The following MTCL2 variants were observed in gnomAD, a reference collection of about 807,000 sequenced individuals.
MTCL2 encodes microtubule crosslinking factor 2, also known as microtubule cross-linking factor 2.
the MTCL2 span, among the ~76,000 whole-genome samples, chr20:36,841,935 T>C: frequency 5.4e-5 from 8 of 147,866 alleles, no homozygotes; most frequent in African/African-American, 2.0e-4. Flanking sequence ...GGTTTTGCCA[T>C]GTTGCCCAGG....
chr20:36,797,016 A>G, the MTCL2 span: 1 of 1,449,618 alleles, frequency 6.9e-7, no homozygotes, highest in African/African-American at 1.4e-5. Context: ...GCATGGAACA[A>G]GAGACCAGCC....
the MTCL2 span, chr20:36,862,989 C>G: frequency 1.4e-6 from 2 of 1,409,712 alleles, no homozygotes; most frequent in Non-Finnish European, 1.9e-6. Flanking sequence ...CTCCGAGCTG[C>G]TATCCGTGAG....
At chr20:36,794,486 A>T in the MTCL2 span, 1 of 1,613,942 alleles carries the variant, frequency 6.2e-7, no homozygotes, top group African/African-American at 1.3e-5. The surrounding 1 kb of genome is among the most constrained non-coding windows in gnomAD (Gnocchi z 5.4). Context: ...GGAGCTCACA[A>T]AGCCAAAGGC....
At chr20:36,803,032 C>T in the MTCL2 span, 1 of 1,603,888 alleles carries the variant, frequency 6.2e-7, no homozygotes, top group Non-Finnish European at 8.5e-7. Flanking sequence ...TGCTGCTCCT[C>T]ACGCTCCCGC....
At chr20:36,835,346 CCCCCA>C in the MTCL2 span, among the ~76,000 whole-genome samples, 2 of 152,066 alleles carry the variant, frequency 1.3e-5, no homozygotes, top group Admixed American at 6.5e-5. Flanking sequence ...TATTCATGAC[CCCCCA>C]CCCCACCCCA....
At chr20:36,842,608 C>T in the MTCL2 span, among the ~76,000 whole-genome samples, 3 of 152,250 alleles carry the variant, frequency 2.0e-5, no homozygotes, top group South Asian at 6.2e-4. Context: ...CCCGTCTCTA[C>T]TAAAAATACA....
chr20:36,808,502 C>A, the MTCL2 span: 5 of 1,575,648 alleles, frequency 3.2e-6, no homozygotes, highest in Non-Finnish European at 2.6e-6. Flanking sequence ...CAGTCCCTGG[C>A]CCAATCTTAC....
At chr20:36,784,768 A>T in the MTCL2 span, 1 of 985,604 alleles carries the variant, frequency 1.0e-6, no homozygotes. Flanking sequence ...CAGGGAGAAG[A>T]GCCGTGAAAG....
the MTCL2 span, chr20:36,793,162 A>G: frequency 5.2e-5 from 74 of 1,429,700 alleles, 1 homozygote; most frequent in Non-Finnish European, 6.5e-5. This position sits in a 1 kb window ranked among gnomAD's most constrained non-coding sequence, Gnocchi z 6.8. Flanking sequence ...ACCTCGGCCC[A>G]TATCTCTGAA....
chr20:36,801,597 G>A, the MTCL2 span, among the ~76,000 whole-genome samples: 1 of 151,498 alleles, frequency 6.6e-6, no homozygotes, highest in Non-Finnish European at 1.5e-5. Context: ...ACAAGAAAGG[G>A]AGGGAGTAGG....
chr20:36,856,447 G>T, the MTCL2 span, among the ~76,000 whole-genome samples: 20 of 152,266 alleles, frequency 1.3e-4, no homozygotes, highest in African/African-American at 4.8e-4. Context: ...GGGAGAAGGG[G>T]GAGATAGGGC....
the MTCL2 span, among the ~76,000 whole-genome samples, chr20:36,810,717 C>CCTCTCCCTCTCTCTCTCT: frequency 1.1e-4 from 10 of 94,270 alleles, no homozygotes; most frequent in East Asian, 3.1e-3. Flanking sequence ...TCTCTCTCTC[C>CCTCTCCCTCTCTCTCTCT]CTCTCTCTCT....
the MTCL2 span, among the ~76,000 whole-genome samples, chr20:36,832,225 C>A: frequency 6.6e-6 from 1 of 152,186 alleles, no homozygotes; most frequent in Non-Finnish European, 1.5e-5. Context: ...CAAATGCCAA[C>A]CCCACCCACT....
At chr20:36,828,253 G>A in the MTCL2 span, among the ~76,000 whole-genome samples, 28 of 152,188 alleles carry the variant, frequency 1.8e-4, no homozygotes, top group Admixed American at 1.6e-3. Context: ...AGCCTTTAAG[G>A]GACACCTAGG....
At chr20:36,822,368 T>C in the MTCL2 span, among the ~76,000 whole-genome samples, 4 of 152,280 alleles carry the variant, frequency 2.6e-5, no homozygotes, top group Admixed American at 2.6e-4. Flanking sequence ...CCTGGGGACA[T>C]GCCCAGCCCT....
At chr20:36,862,609 T>C in the MTCL2 span, 7 of 1,446,290 alleles carry the variant, frequency 4.8e-6, no homozygotes, top group African/African-American at 1.0e-4. Flanking sequence ...CGCGGGACTG[T>C]GACAGCCGGC....
chr20:36,838,721 A>T, the MTCL2 span, among the ~76,000 whole-genome samples: 1 of 152,128 alleles, frequency 6.6e-6, no homozygotes, highest in East Asian at 1.9e-4. Flanking sequence ...TAACCCCAGC[A>T]CTTTGGGAGG....
At chr20:36,810,071 C>G in the MTCL2 span, 4 of 1,598,828 alleles carry the variant, frequency 2.5e-6, no homozygotes, top group Non-Finnish European at 3.4e-6. Context: ...CGGAGGCTGT[C>G]GTGGGCCTCA....
the MTCL2 span, chr20:36,829,248 G>A: frequency 6.4e-7 from 1 of 1,557,962 alleles, no homozygotes; most frequent in Non-Finnish European, 8.7e-7. Flanking sequence ...ATGTGAGCAG[G>A]CTGAGGAGAG....
Sources: gnomAD v4.1 joint callset for allele counts (sites outside exome capture counted in the v4.1 genomes callset) on GRCh38, gnomAD v4.1.1 for gene constraint, Gnocchi (gnomAD v3.1) non-coding constraint, MANE v1.5 for transcripts, NCBI Gene and HGNC (gene_info 2026-07-23, HGNC 2026-07-21) for gene names.